Variants in AGBL4 observed in about 807,000 individuals in gnomAD.
AGBL4 encodes AGBL carboxypeptidase 4, also known as cytosolic carboxypeptidase 6.
AGBL4 carries 58 observed loss-of-function variants against 66.4 expected under a neutral mutation model. The observed-to-expected ratio is 0.87, with a 90% CI of 0.71 to 1.09. AGBL4 has a LOEUF of 1.09. Among genes scored for constraint, AGBL4 ranks in the 50% least tolerant of loss-of-function variants. The pLI, the probability that AGBL4 is intolerant of heterozygous loss-of-function variation, is 0.00. For synonymous variants in AGBL4, 234 were observed against 222.9 expected (o/e 1.05, Z -0.44); for missense variants, 579 against 631.0 (o/e 0.92, Z 0.88).
intron 1 of AGBL4, among the ~76,000 whole-genome samples, chr1:50,005,191 A>G (rs1661038688): frequency 6.6e-6 from 1 of 152,100 alleles, no homozygotes; most frequent in Admixed American, 6.5e-5. Context: ...GGTGAGACCC[A>G]GGGATATGAT....
chr1:49,835,914 G>A (rs1201364334), intron 2 of AGBL4, among the ~76,000 whole-genome samples: 1 of 152,036 alleles, frequency 6.6e-6, no homozygotes, highest in Non-Finnish European at 1.5e-5. Flanking sequence ...CCCTCTTCTG[G>A]TTCTGGCTTC....
chr1:49,647,213 G>A (rs1429536184), intron 3 of AGBL4, among the ~76,000 whole-genome samples: 1 of 151,906 alleles, frequency 6.6e-6, no homozygotes, highest in African/African-American at 2.4e-5. Context: ...GACAAACCAA[G>A]GCTTCCCATT....
At chr1:48,779,782 C>T (rs1239645929) in intron 6 of AGBL4, among the ~76,000 whole-genome samples, 1 of 149,862 alleles carries the variant, frequency 6.7e-6, no homozygotes, top group Admixed American at 6.6e-5. Context: ...GGCCTGGTCT[C>T]GGCTCACTGC....
At chr1:49,648,924 G>T (rs2124438650) in intron 3 of AGBL4, among the ~76,000 whole-genome samples, 1 of 152,126 alleles carries the variant, frequency 6.6e-6, no homozygotes, top group African/African-American at 2.4e-5. Flanking sequence ...GAATAAATAA[G>T]TGAAGGTAAA....
chr1:49,163,657 T>C (rs1646579940), intron 4 of AGBL4, among the ~76,000 whole-genome samples: 1 of 152,168 alleles, frequency 6.6e-6, no homozygotes, highest in South Asian at 2.1e-4. Flanking sequence ...AACGAATTAA[T>C]AAACAAATGA....
chr1:48,951,209 C>T (rs1656957910), intron 5 of AGBL4, among the ~76,000 whole-genome samples: 1 of 152,122 alleles, frequency 6.6e-6, no homozygotes, highest in African/African-American at 2.4e-5. Flanking sequence ...CTGGCATGGT[C>T]AGCAAAAGCA....
At chr1:48,687,836 G>A (rs1002351244) in intron 6 of AGBL4, among the ~76,000 whole-genome samples, 12 of 152,212 alleles carry the variant, frequency 7.9e-5, no homozygotes, top group African/African-American at 2.4e-4. Flanking sequence ...AGACCTATCC[G>A]CAGGTCTGGC....
intron 5 of AGBL4, among the ~76,000 whole-genome samples, chr1:49,003,477 G>A (rs1375804547): frequency 2.6e-5 from 4 of 152,084 alleles, no homozygotes; most frequent in Non-Finnish European, 5.9e-5. Context: ...ATGGGGAGAA[G>A]ACGAGAAAGA....
At chr1:48,770,058 T>C (rs1217221405) in intron 6 of AGBL4, among the ~76,000 whole-genome samples, 5 of 152,164 alleles carry the variant, frequency 3.3e-5, no homozygotes, top group Non-Finnish European at 5.9e-5. Context: ...CTCAGCACCA[T>C]GCTAGAAGCC....
chr1:49,607,206 G>A (rs1001938204), intron 3 of AGBL4, among the ~76,000 whole-genome samples: 1 of 152,040 alleles, frequency 6.6e-6, no homozygotes, highest in Non-Finnish European at 1.5e-5. Context: ...CAATGTTCCT[G>A]TCATCTGGCT....
At chr1:48,539,890 A>C (rs1644037190) in intron 11 of AGBL4, among the ~76,000 whole-genome samples, 152 bp from the exon 12 acceptor site, 1 of 152,090 alleles carries the variant, frequency 6.6e-6, no homozygotes, top group African/African-American at 2.4e-5. Context: ...ATCCTTGAAA[A>C]ACCTTAAATG....
chr1:49,623,484 C>G (rs1423108537), intron 3 of AGBL4, among the ~76,000 whole-genome samples: 2 of 152,116 alleles, frequency 1.3e-5, no homozygotes, highest in Non-Finnish European at 2.9e-5. Context: ...ATTTAACTAC[C>G]CTTTTATCTG....
chr1:49,534,413 G>T (rs1651409995), intron 3 of AGBL4, among the ~76,000 whole-genome samples: 1 of 152,078 alleles, frequency 6.6e-6, no homozygotes, highest in Non-Finnish European at 1.5e-5. Flanking sequence ...GCTATAATAT[G>T]ACCAATTCAG....
chr1:48,733,630 G>A (rs1648520984), intron 6 of AGBL4, among the ~76,000 whole-genome samples: 1 of 152,192 alleles, frequency 6.6e-6, no homozygotes, highest in Admixed American at 6.5e-5. Flanking sequence ...CAAGCCACAT[G>A]CATGGCTGAG....
At chr1:48,699,377 T>C (rs1646765766) in intron 6 of AGBL4, among the ~76,000 whole-genome samples, 1 of 152,246 alleles carries the variant, frequency 6.6e-6, no homozygotes, top group Non-Finnish European at 1.5e-5. Flanking sequence ...AATTATCGTT[T>C]GAATATTATC....
intron 4 of AGBL4, among the ~76,000 whole-genome samples, chr1:49,239,372 T>G (rs536125020): frequency 6.6e-6 from 1 of 152,200 alleles, no homozygotes; most frequent in East Asian, 1.9e-4. Context: ...TTGTAAAAAA[T>G]TATTTAACAA....
intron 6 of AGBL4, among the ~76,000 whole-genome samples, chr1:48,720,735 C>T (rs1647133083): frequency 6.6e-6 from 1 of 152,110 alleles, no homozygotes; most frequent in Non-Finnish European, 1.5e-5. Context: ...GATGAATTAA[C>T]ACAGTCCTGC....
rs76997457 is a variant in AGBL4, at chr1:49,908,325, T to C, written c.35-56807A>G. Among the ~76,000 whole-genome samples, 1,219 of 152,282 alleles carry C rather than the reference T, an allele frequency of 8.0e-3. 9 individuals carry two copies. The highest frequency in any genetic ancestry group is 0.031 in the Middle Eastern group (9 of 294). Reference sequence around the variant, plus strand: ...GGCCTAGTGGGAAGTGACTGGATCATGGGGGAAGATTTCTCGTGAAAAGTT... The same window carrying C: ...GGCCTAGTGGGAAGTGACTGGATCACGGGGGAAGATTTCTCGTGAAAAGTT... On this transcript the variant is annotated intron_variant, in intron 1 of 13. Transcript: ENST00000371839.
intron 5 of AGBL4, among the ~76,000 whole-genome samples, chr1:48,976,528 G>A (rs1405059835): frequency 2.0e-5 from 3 of 152,130 alleles, no homozygotes; most frequent in African/African-American, 7.2e-5. Context: ...GCTTCTTCTA[G>A]CACCATCATC....
Sources: allele counts gnomAD v4.1 joint callset (sites outside exome capture counted in the v4.1 genomes callset), GRCh38; gene constraint gnomAD v4.1.1; transcripts MANE v1.5; gene names NCBI Gene and HGNC (gene_info 2026-07-23, HGNC 2026-07-21).